Variants in PHKB observed in about 807,000 individuals in gnomAD.
PHKB encodes the protein phosphorylase kinase regulatory subunit beta.
PHKB carries 122 observed loss-of-function variants against 152.1 expected under a neutral mutation model. The observed-to-expected ratio is 0.80, with a 90% confidence interval of 0.69 to 0.93. The LOEUF (loss-of-function observed/expected upper bound fraction) is 0.93. PHKB is among the 40% of genes least tolerant of loss of function. The probability of loss-of-function intolerance (pLI) is 0.00; values close to 1 mark genes in which losing one functional copy is unlikely to be tolerated. For synonymous variants in PHKB, 436 were observed against 464.9 expected (o/e 0.94, Z 0.80); for missense variants, 1,304 against 1,328.4 (o/e 0.98, Z 0.29).
At chr16:47,476,199 G>C (rs549655239) in intron 1 of PHKB, among the ~76,000 whole-genome samples, 1 of 152,156 alleles carries the variant, frequency 6.6e-6, no homozygotes, top group South Asian at 2.1e-4. Flanking sequence ...TTTGTGTTAA[G>C]CAGATTTTAT....
chr16:47,546,214 C>T (rs566347353), intron 6 of PHKB, among the ~76,000 whole-genome samples: 12 of 152,288 alleles, frequency 7.9e-5, no homozygotes, highest in African/African-American at 2.2e-4. Context: ...GGTTTCTCCC[C>T]GTCTTTGTGG....
chr16:47,550,926 C>T (rs1370520840), intron 7 of PHKB, among the ~76,000 whole-genome samples: 1 of 152,162 alleles, frequency 6.6e-6, no homozygotes, highest in East Asian at 1.9e-4. Flanking sequence ...GATTCGACTT[C>T]TTCCTGGTTT....
At position 47,699,880 on chromosome 16, in the gene PHKB, TTAA is replaced by T. The variant is rs1974217904; in HGVS notation, c.*520_*522del. The T allele has an allele frequency of 5.5e-6, 1 of 180,842 alleles. No homozygotes were observed. The highest frequency in any genetic ancestry group is 1.2e-4 in the South Asian group (1 of 8,290). The allele number at this position is 180,842 out of a possible 1,614,324, so 11.2% of individuals were successfully genotyped here. A position where few individuals can be genotyped will look rare whatever the true frequency, so the allele number is the denominator to read the frequency against. On this transcript the variant is annotated 3_prime_UTR_variant, in exon 31 of 31. Transcript: ENST00000323584. The stretch of plus-strand genomic sequence containing the variant: ...ATTTTGGTTCTCAAAAACTGCATTA[TTAA>T]TAATATTTTAGTATACAGAGCTATT...
intron 6 of PHKB, among the ~76,000 whole-genome samples, chr16:47,541,075 C>A (rs1971049052): frequency 6.6e-6 from 1 of 151,982 alleles, no homozygotes; most frequent in African/African-American, 2.4e-5. Context: ...TATACATGTA[C>A]CGTGTTGGTT....
chr16:47,467,876 C>T lies in PHKB; in HGVS notation c.76+6450C>T, dbSNP rs77768995. Among the ~76,000 whole-genome samples, 871 of 152,210 alleles carry T rather than the reference C, an allele frequency of 5.7e-3. 9 individuals are homozygous for T. The highest frequency in any genetic ancestry group is 0.02 in the African/African-American group (833 of 41,514). ...TGAAATGAGAGAGTAAGAGGAACTC[C>T]CTAGAATTTCTGATTCTGATCCAGG... On this transcript the variant is annotated intron_variant, in intron 1 of 30. Coordinates refer to ENST00000323584, the MANE Select transcript of PHKB (RefSeq NM_000293.3).
At chr16:47,689,263 A>C (rs373633841) in intron 27 of PHKB, 88 bp downstream of exon 27, 1 of 1,323,530 alleles carries the variant, frequency 7.6e-7, no homozygotes, top group South Asian at 1.2e-5. Context: ...GAAATTGATA[A>C]GATATTAATA....
intron 13 of PHKB, among the ~76,000 whole-genome samples, chr16:47,602,935 C>T (rs1190813469): frequency 2.0e-5 from 3 of 152,102 alleles, no homozygotes; most frequent in South Asian, 4.1e-4. Flanking sequence ...CTCTCTGTCT[C>T]TCTCTCTCTC....
chr16:47,553,110 T>C (rs767632210), intron 7 of PHKB, among the ~76,000 whole-genome samples: 2 of 152,180 alleles, frequency 1.3e-5, no homozygotes, highest in Non-Finnish European at 2.9e-5. Flanking sequence ...TTCTCCTGGA[T>C]AATATCTCGA....
intron 13 of PHKB, among the ~76,000 whole-genome samples, chr16:47,605,902 T>G (rs1972314865): frequency 6.6e-6 from 1 of 152,200 alleles, no homozygotes; most frequent in African/African-American, 2.4e-5. Context: ...GCCCAGACTC[T>G]GGGAGTCGAC....
chr16:47,681,658 G>T (rs914701617), intron 26 of PHKB, among the ~76,000 whole-genome samples: 1 of 152,036 alleles, frequency 6.6e-6, no homozygotes, highest in African/African-American at 2.4e-5. Flanking sequence ...TTGAGCCTAT[G>T]TGTGTCTCTG....
chr16:47,697,672 G>T (rs1974172113), intron 29 of PHKB, among the ~76,000 whole-genome samples: 1 of 152,136 alleles, frequency 6.6e-6, no homozygotes, highest in Non-Finnish European at 1.5e-5. Context: ...CCAAAATTGG[G>T]AACTATGAGG....
At chr16:47,674,136 T>C (rs1973684725) in intron 26 of PHKB, among the ~76,000 whole-genome samples, 1 of 152,142 alleles carries the variant, frequency 6.6e-6, no homozygotes, top group African/African-American at 2.4e-5. Flanking sequence ...GTAGTAACTA[T>C]GATGTGCCAG....
intron 17 of PHKB, 70 bp from the exon 18 acceptor site, chr16:47,649,030 A>G (rs1220509490): frequency 4.8e-6 from 4 of 831,622 alleles, no homozygotes; most frequent in Non-Finnish European, 8.6e-6. Flanking sequence ...TTTTATTGAG[A>G]CTTACAGCAC....
chr16:47,682,713 C>G (rs1973884753), intron 26 of PHKB, among the ~76,000 whole-genome samples: 1 of 152,162 alleles, frequency 6.6e-6, no homozygotes, highest in African/African-American at 2.4e-5. Context: ...TTTGAATTTC[C>G]TCCTGTAGCT....
intron 1 of PHKB, among the ~76,000 whole-genome samples, chr16:47,468,056 A>T (rs905293842): frequency 6.6e-6 from 1 of 152,202 alleles, no homozygotes; most frequent in African/African-American, 2.4e-5. Flanking sequence ...TCTTCCAGCT[A>T]CTCAAGCTAA....
intron 6 of PHKB, 57 bp downstream of exon 6, chr16:47,515,658 T>C (rs1390027633): frequency 4.6e-5 from 36 of 785,400 alleles, no homozygotes; most frequent in Middle Eastern, 2.4e-4. Context: ...TATCTATTTT[T>C]TTTTTTAGTT....
intron 7 of PHKB, among the ~76,000 whole-genome samples, chr16:47,574,943 A>G (rs562064773): frequency 6.6e-6 from 1 of 152,276 alleles, no homozygotes; most frequent in East Asian, 1.9e-4. Context: ...CTATTTTACC[A>G]CATAGAACTT....
At chr16:47,517,545 C>T (rs377746470) in intron 6 of PHKB, among the ~76,000 whole-genome samples, 4 of 152,166 alleles carry the variant, frequency 2.6e-5, no homozygotes, top group African/African-American at 7.2e-5. Flanking sequence ...CTGGGAGCCA[C>T]TGCACCTGGC....
intron 20 of PHKB, among the ~76,000 whole-genome samples, chr16:47,653,147 A>G (rs1003667889): frequency 2.0e-5 from 3 of 152,198 alleles, no homozygotes; most frequent in Non-Finnish European, 2.9e-5. Flanking sequence ...CAGTCTGCCC[A>G]GAAAGTACAT....
Sources: gnomAD v4.1 joint callset for allele counts (sites outside exome capture counted in the v4.1 genomes callset) on GRCh38, gnomAD v4.1.1 for gene constraint, MANE v1.5 for transcripts, NCBI Gene and HGNC (gene_info 2026-07-23, HGNC 2026-07-21) for gene names.